FOXK2: variants seen among roughly 807,000 people sequenced by gnomAD.
FOXK2 encodes the protein forkhead box K2.
A neutral mutation model predicts 53.3 loss-of-function variants in FOXK2; 24 were observed. That is an observed-to-expected ratio of 0.45 (90% CI 0.33 to 0.63). The LOEUF (loss-of-function observed/expected upper bound fraction) is 0.63. Ranked by LOEUF, FOXK2 falls within the 30% of genes least tolerant of loss-of-function variation. The pLI is 0.03. For missense variants in FOXK2, 952 were observed against 910.5 expected (o/e 1.05, Z -0.59); for synonymous variants, 505 against 407.1 (o/e 1.24, Z -2.89).
At chr17:82,522,029 C>T (rs1403663000) in intron 1 of FOXK2, among the ~76,000 whole-genome samples, 1 of 145,588 alleles carries the variant, frequency 6.9e-6, no homozygotes, top group African/African-American at 2.5e-5. Context: ...TAATGGCTAC[C>T]CTTTAATCTG....
intron 1 of FOXK2, among the ~76,000 whole-genome samples, chr17:82,521,611 T>C (rs1003247979): frequency 6.6e-6 from 1 of 151,798 alleles, no homozygotes; most frequent in Non-Finnish European, 1.5e-5. Context: ...GCATATTCCT[T>C]AAACTTTGGT....
intron 1 of FOXK2, among the ~76,000 whole-genome samples, chr17:82,548,746 C>T (rs1404205158): frequency 6.6e-6 from 1 of 152,202 alleles, no homozygotes; most frequent in African/African-American, 2.4e-5. Flanking sequence ...CAGGCGCTGT[C>T]CCACAGCCTC....
chr17:82,587,748 G>A (rs1161031185), intron 8 of FOXK2, among the ~76,000 whole-genome samples: 1 of 152,176 alleles, frequency 6.6e-6, no homozygotes, highest in Non-Finnish European at 1.5e-5. Context: ...GGAGACACCA[G>A]AACCTCCGCG....
rs758854765 is a variant in FOXK2 at position 82,568,063 on chromosome 17, C to T, written c.624C>T (p.Asn208=). The change falls in exon 3 of 9, where the codon AAC becomes AAT. Residue 208 remains asparagine (N), a synonymous_variant. Coordinates refer to ENST00000335255, the MANE Select transcript of FOXK2 (RefSeq NM_004514.4). Reference sequence around the variant, plus strand: ...TTTTTCTCTTCCACAGCGCTGCAAACTCCTGCCCCTCCAGCCCCCGGGGAG... The same window carrying T: ...TTTTTCTCTTCCACAGCGCTGCAAATTCCTGCCCCTCCAGCCCCCGGGGAG... ...PSPTGTISAA[N]SCPSSPRGAG... is the part of the protein sequence containing the mutation. 2.5e-6 allele frequency: 4 copies of T among 1,607,658 alleles called. No homozygotes were observed. Among genetic ancestry groups the T allele is most frequent in the Non-Finnish European group, 3.4e-6 (4 of 1,178,510 alleles).
intron 1 of FOXK2, among the ~76,000 whole-genome samples, chr17:82,539,417 C>G (rs527799918): frequency 4.0e-5 from 6 of 151,748 alleles, no homozygotes; most frequent in Non-Finnish European, 7.4e-5. Flanking sequence ...GAAGCTGATG[C>G]GGGAGGATCA....
chr17:82,536,847 C>T lies in FOXK2; in HGVS notation c.419+16540C>T, dbSNP rs553065365. On this transcript the variant is annotated intron_variant, in intron 1 of 8. Transcript: ENST00000335255. The stretch of plus-strand genomic sequence containing the variant: ...TGTTGTATGTTGGGACTGTAATCTT[C>T]TGCCCCAGGCATCTGAGAGTTAAAT... 2.8e-4 allele frequency among the ~76,000 whole-genome samples: 42 copies of T among 152,366 alleles called. No homozygotes were observed. In the South Asian group the frequency reaches 8.5e-3, roughly 31 times the overall value.
chr17:82,558,916 T>C (rs1223046902), intron 1 of FOXK2, among the ~76,000 whole-genome samples: 1 of 151,976 alleles, frequency 6.6e-6, no homozygotes, highest in Non-Finnish European at 1.5e-5. Context: ...CTGGCTAGTT[T>C]TTTGTGTTTT....
intron 1 of FOXK2, among the ~76,000 whole-genome samples, chr17:82,553,871 G>T (rs748629289): frequency 6.6e-6 from 1 of 151,980 alleles, no homozygotes; most frequent in African/African-American, 2.4e-5. Context: ...GTCTTGCTCT[G>T]TTGCCAGGCT....
At chr17:82,576,890 T>C in intron 4 of FOXK2, 1 of 474,782 alleles carries the variant, frequency 2.1e-6, no homozygotes, top group South Asian at 2.2e-5. Context: ...CTGGGTGCGG[T>C]GGCTCACGCC....
At chr17:82,545,669 C>T (rs190790736) in intron 1 of FOXK2, among the ~76,000 whole-genome samples, 6 of 151,126 alleles carry the variant, frequency 4.0e-5, no homozygotes, top group South Asian at 2.1e-4. Context: ...GCAACCTCTG[C>T]GTCCCAGGTT....
chr17:82,576,301 G>C (rs1312227494), intron 4 of FOXK2, among the ~76,000 whole-genome samples: 1 of 152,068 alleles, frequency 6.6e-6, no homozygotes, highest in Non-Finnish European at 1.5e-5. Flanking sequence ...GTGTGTGCTC[G>C]GGGAAGGACC....
chr17:82,586,623 C>CA, intron 7 of FOXK2, among the ~76,000 whole-genome samples: 1 of 152,108 alleles, frequency 6.6e-6, no homozygotes, highest in South Asian at 2.1e-4. Flanking sequence ...CATCCTTGGC[C>CA]AGGTACAGTG....
intron 2 of FOXK2, among the ~76,000 whole-genome samples, chr17:82,564,734 G>GT (rs11452758): frequency 0.2 from 27,306 of 137,860 alleles, 3,078 homozygotes; most frequent in African/African-American, 0.32. Context: ...TAGTCAAATG[G>GT]TTTTTTTTTT....
chr17:82,568,216 G>C lies in FOXK2; in HGVS notation c.762+15G>C. On this transcript the variant is annotated intron_variant, in intron 3 of 8. Coordinates refer to ENST00000335255, the MANE Select transcript of FOXK2 (RefSeq NM_004514.4). ...ACAGCCCGAAGGTAAAGGCTTTGTA[G>C]CCTTGAAGCAGCCCCTGGGGGACAG... 2 of 1,611,426 alleles carry C rather than the reference G, an allele frequency of 1.2e-6. No homozygotes were observed. The highest frequency in any genetic ancestry group is 1.7e-6 in the Non-Finnish European group (2 of 1,179,718).
intron 1 of FOXK2, among the ~76,000 whole-genome samples, chr17:82,546,702 A>T (rs2044628950): frequency 6.6e-6 from 1 of 151,966 alleles, no homozygotes; most frequent in Admixed American, 6.6e-5. Flanking sequence ...TCCTGGGCTC[A>T]AGTGTTCCTC....
At chr17:82,595,175 A>G (rs1257314626) in intron 8 of FOXK2, among the ~76,000 whole-genome samples, 2 of 152,172 alleles carry the variant, frequency 1.3e-5, no homozygotes, top group Non-Finnish European at 2.9e-5. Context: ...GGCAGGGGTA[A>G]TTTGCTTGTT....
intron 2 of FOXK2, among the ~76,000 whole-genome samples, chr17:82,566,623 C>A (rs1024472708): frequency 6.6e-6 from 1 of 152,156 alleles, no homozygotes; most frequent in Non-Finnish European, 1.5e-5. Flanking sequence ...CCTTGAAGAC[C>A]CCACTTCAAG....
At chr17:82,550,920 G>A (rs186570907) in intron 1 of FOXK2, among the ~76,000 whole-genome samples, 1 of 152,358 alleles carries the variant, frequency 6.6e-6, no homozygotes, top group African/African-American at 2.4e-5. Flanking sequence ...AGCACTGCGT[G>A]CAGTAAGCGT....
Position 82,577,099 on chromosome 17 carries a change from C to G in FOXK2, c.909+5229C>G, listed in dbSNP as rs138203429. On this transcript the variant is annotated intron_variant, in intron 4 of 8. Transcript: ENST00000335255. The stretch of plus-strand genomic sequence containing the variant: ...ATTGTTTGAACCCACATGGCGGAGA[C>G]TGCGGTGAGCTGATACCGCGTCATT... 261 of 495,470 alleles carry G rather than the reference C, an allele frequency of 5.3e-4. 2 individuals are homozygous for G. Among genetic ancestry groups the G allele is most frequent in the African/African-American group, 4.8e-3 (241 of 49,970 alleles). The allele number at this position is 495,470 out of a possible 1,614,324, so 30.7% of individuals were successfully genotyped here.
Sources: gnomAD v4.1 joint callset for allele counts (sites outside exome capture counted in the v4.1 genomes callset) on GRCh38, gnomAD v4.1.1 for gene constraint, MANE v1.5 for transcripts, NCBI Gene and HGNC (gene_info 2026-07-23, HGNC 2026-07-21) for gene names.